The following RBM15B variants were observed in gnomAD, a reference collection of about 807,000 sequenced individuals.
RBM15B encodes RNA binding motif protein 15B, also known as putative RNA-binding protein 15B.
In RBM15B, 11 loss-of-function variants were observed where a neutral mutation model predicts 53.3. The ratio of observed to expected loss-of-function variants is 0.21; its 90% CI spans 0.13 to 0.34. The LOEUF is 0.34. Ranked by LOEUF, RBM15B falls within the 10% of genes least tolerant of loss-of-function variation. RBM15B has a pLI of 1.00. For synonymous variants in RBM15B, 631 were observed against 540.7 expected (o/e 1.17, Z -2.32); for missense variants, 1,136 against 1,250.3 (o/e 0.91, Z 1.38).
At position 51,392,353 on chromosome 3, in the gene RBM15B, C is replaced by T. The variant is rs782487860; in HGVS notation, c.954C>T (p.Gly318=). The change falls in exon 1 of 1, where the codon GGC becomes GGT. Residue 318 remains glycine (G), a synonymous_variant. Transcript: ENST00000563281. The surrounding 1 kb of genome is among the most constrained non-coding windows in gnomAD (Gnocchi z 7.5). The stretch of plus-strand genomic sequence containing the variant: ...ACGACGACCGTGGGCGCCCCTATGG[C>T]TACCCAGCTGTGTGTGAGGAGGACC... ...GLYDDRGRPY[G]YPAVCEEDLM... The T allele has an allele frequency of 1.2e-5, 20 of 1,613,896 alleles. No individual in the cohort carries two copies. Among genetic ancestry groups the T allele is most frequent in the Non-Finnish European group, 1.5e-5 (18 of 1,180,014 alleles).
Position 51,396,676 on chromosome 3 carries a change from C to T in RBM15B, c.*2604C>T, listed in dbSNP as rs549008811. 3.0e-5 allele frequency: 5 copies of T among 167,256 alleles called. No individual in the cohort carries two copies. The highest frequency in any genetic ancestry group is 1.2e-4 in the African/African-American group (5 of 41,562). The allele number at this position is 167,256 out of a possible 1,614,324, so 10.4% of individuals were successfully genotyped here. A position where few individuals can be genotyped will look rare whatever the true frequency, so the allele number is the denominator to read the frequency against. ...GTAGAATAAGGAAGACAGCTGATGC[C>T]TCCTTAGCCCCTTAGCACATGTTCC... On this transcript the variant is annotated 3_prime_UTR_variant, in exon 1 of 1. Transcript: ENST00000563281.
In RBM15B at chr3:51,396,243, G is replaced by A. The variant is rs765569203; in HGVS notation, c.*2171G>A. ...AAACATGCTAGAAAACGTGCCTAGA[G>A]AAGACACTTCAACCTTTGCCTTATC... On this transcript the variant is annotated 3_prime_UTR_variant, in exon 1 of 1. Transcript: ENST00000563281. The A allele has an allele frequency of 1.1e-5, 3 of 269,646 alleles. No homozygotes were observed. Among genetic ancestry groups the A allele is most frequent in the African/African-American group, 2.2e-5 (1 of 45,376 alleles). 16.7% of individuals were successfully genotyped at this position (269,646 alleles called of 1,614,324 possible).
Position 51,393,444 on chromosome 3 carries a change from G to C in RBM15B, c.2045G>C (p.Arg682Thr). ...GACTCTTCCCACGGGAAGAAGGCAAGAGACAGCGAGCGCAATCACCGGACC... is the reference window on the plus strand; with the variant it reads ...GACTCTTCCCACGGGAAGAAGGCAACAGACAGCGAGCGCAATCACCGGACC... The part of the protein sequence containing the change: ...AADSSHGKKA[R>T]DSERNHRTTE... Residue 682 changes from arginine to threonine, a missense_variant, in exon 1 of 1, where the codon AGA becomes ACA. Arg to Thr is a moderately conservative substitution (Grantham distance 71). Coordinates refer to ENST00000563281, the MANE Select transcript of RBM15B (RefSeq NM_013286.5). The surrounding 1 kb of genome is among the most constrained non-coding windows in gnomAD (Gnocchi z 5.6). 6.2e-7 allele frequency: 1 copy of C among 1,613,920 alleles called. No homozygotes were observed. The highest frequency in any genetic ancestry group is 8.5e-7 in the Non-Finnish European group (1 of 1,179,952).
chr3:51,393,839 C>T lies in RBM15B; in HGVS notation c.2440C>T (p.Pro814Ser), dbSNP rs1279415056. 6.2e-7 allele frequency: 1 copy of T among 1,606,256 alleles called. No individual in the cohort carries two copies. Among genetic ancestry groups the T allele is most frequent in the Non-Finnish European group, 8.5e-7 (1 of 1,176,880 alleles). Reference protein sequence around the residue: ...LGTEGMPTVEPGLQRRLLRNL... With the variant: ...LGTEGMPTVESGLQRRLLRNL... ...CACTGAGGGGATGCCCACAGTAGAGCCCGGTCTGCAGAGGCGGCTTCTCAG... is the reference window on the plus strand; with the variant it reads ...CACTGAGGGGATGCCCACAGTAGAGTCCGGTCTGCAGAGGCGGCTTCTCAG... Residue 814 changes from proline to serine, a missense_variant, in exon 1 of 1, where the codon CCC becomes TCC. Transcript: ENST00000563281. The surrounding 1 kb of genome is among the most constrained non-coding windows in gnomAD (Gnocchi z 5.6).
At position 51,393,876 on chromosome 3, in the gene RBM15B, C is replaced by G. The variant is rs782643580; in HGVS notation, c.2477C>G (p.Ser826Cys). The change falls in exon 1 of 1, where the codon TCC becomes TGC. Residue 826 changes from serine to cysteine, a missense_variant. Ser to Cys is a moderately radical substitution (Grantham distance 112). Coordinates refer to ENST00000563281, the MANE Select transcript of RBM15B (RefSeq NM_013286.5). This position sits in a 1 kb window ranked among gnomAD's most constrained non-coding sequence, Gnocchi z 5.6. ...LQRRLLRNLV[S>C]YLKQKQAAGV... ...AGGCGGCTTCTCAGGAACCTGGTCT[C>G]CTACTTGAAACAGAAGCAGGCCGCA... 6.3e-7 allele frequency: 1 copy of G among 1,578,968 alleles called. No individual in the cohort carries two copies. Among genetic ancestry groups the G allele is most frequent in the South Asian group, 1.2e-5 (1 of 85,740 alleles).
chr3:51,391,990 C>G lies in RBM15B; in HGVS notation c.591C>G (p.Arg197=). The change falls in exon 1 of 1, where the codon CGC becomes CGG. Residue 197 remains arginine, a synonymous_variant. Transcript: ENST00000563281. This position sits in a 1 kb window ranked among gnomAD's most constrained non-coding sequence, Gnocchi z 4.5. Reference sequence around the variant, plus strand: ...ACCCACAGGACGCACGCGAGGCCCGCCAGCACGCCCTGGCCCGGCAGCTGC... The same window carrying G: ...ACCCACAGGACGCACGCGAGGCCCGGCAGCACGCCCTGGCCCGGCAGCTGC... ...FRHPQDAREA[R]QHALARQLLL... The G allele has an allele frequency of 4.4e-6, 7 of 1,599,122 alleles. No individual in the cohort carries two copies. The highest frequency in any genetic ancestry group is 5.9e-6 in the Non-Finnish European group (7 of 1,178,060).
At position 51,392,518 on chromosome 3, in the gene RBM15B, T is replaced by TG. The variant is rs1553621780; in HGVS notation, c.1121dup (p.Gln375ProfsTer18). The stretch of plus-strand genomic sequence containing the variant: ...AGGTGGTCATCAAGAGGCCTGCCCG[T>TG]GGCCAGGGCGGTGCCTATGCCTTCC... On this transcript the variant is annotated frameshift_variant, in exon 1 of 1. Transcript: ENST00000563281. LOFTEE classifies it high-confidence loss of function. The surrounding 1 kb of genome is among the most constrained non-coding windows in gnomAD (Gnocchi z 7.5). 1 of 1,613,862 alleles carries TG rather than the reference T, an allele frequency of 6.2e-7. No individual in the cohort carries two copies. Among genetic ancestry groups the TG allele is most frequent in the Non-Finnish European group, 8.5e-7 (1 of 1,180,016 alleles).
At position 51,395,297 on chromosome 3, in the gene RBM15B, A is replaced by C. The variant is rs1449021423; in HGVS notation, c.*1225A>C. ...ATAGATATTTTTCTGGGGGGAAATC[A>C]CAAGTCACTGAGGTGTTTGTTTGTT... On this transcript the variant is annotated 3_prime_UTR_variant, in exon 1 of 1. Transcript: ENST00000563281. 6.0e-6 allele frequency: 1 copy of C among 167,262 alleles called. No individual in the cohort carries two copies. Among genetic ancestry groups the C allele is most frequent in the African/African-American group, 2.4e-5 (1 of 41,428 alleles). 10.4% of individuals were successfully genotyped at this position (167,262 alleles called of 1,614,324 possible).
Position 51,392,488 on chromosome 3 carries a change from C to T in RBM15B, c.1089C>T (p.Ile363=). Residue 363 remains isoleucine (I), a synonymous_variant, in exon 1 of 1, where the codon ATC becomes ATT. Transcript: ENST00000563281. This position sits in a 1 kb window ranked among gnomAD's most constrained non-coding sequence, Gnocchi z 7.5. ...LRRAFEKYGI[I]EEVVIKRPAR... ...GGGCCTTCGAGAAATATGGCATCAT[C>T]GAGGAGGTGGTCATCAAGAGGCCTG... The T allele has an allele frequency of 1.2e-6, 2 of 1,613,932 alleles. No individual in the cohort carries two copies. Among genetic ancestry groups the T allele is most frequent in the Non-Finnish European group, 1.7e-6 (2 of 1,180,032 alleles).
In RBM15B at chr3:51,397,399, A is replaced by G. The variant is rs1296511001; in HGVS notation, c.*3327A>G. On this transcript the variant is annotated 3_prime_UTR_variant, in exon 1 of 1. Coordinates refer to ENST00000563281, the MANE Select transcript of RBM15B (RefSeq NM_013286.5). ...TACCCCTAACCTGCCAGGATGCTCA[A>G]GTCCACTGTCACAATCCCTTTCAGA... 1 of 167,134 alleles carries G rather than the reference A, an allele frequency of 6.0e-6. No individual in the cohort carries two copies. Among genetic ancestry groups the G allele is most frequent in the Non-Finnish European group, 1.5e-5 (1 of 68,138 alleles). The allele number at this position is 167,134 out of a possible 1,614,324, so 10.4% of individuals were successfully genotyped here.
Position 51,393,751 on chromosome 3 carries a change from G to A in RBM15B, c.2352G>A (p.Lys784=). 1 of 1,613,870 alleles carries A rather than the reference G, an allele frequency of 6.2e-7. No homozygotes were observed. Among genetic ancestry groups the A allele is most frequent in the Non-Finnish European group, 8.5e-7 (1 of 1,180,036 alleles). The change falls in exon 1 of 1, where the codon AAG becomes AAA. Residue 784 remains lysine (K), a synonymous_variant. Transcript: ENST00000563281. The surrounding 1 kb of genome is among the most constrained non-coding windows in gnomAD (Gnocchi z 5.6). ...TTGACGAGGTCACACGACGCATCAAGCAGGGGAGCCCCAACGGCTATGCGG... is the reference window on the plus strand; with the variant it reads ...TTGACGAGGTCACACGACGCATCAAACAGGGGAGCCCCAACGGCTATGCGG... The part of the protein sequence containing the change: ...PKLDEVTRRI[K]QGSPNGYAVL...
rs1224080164 is a variant in RBM15B at position 51,394,769 on chromosome 3, C to T, written c.*697C>T. On this transcript the variant is annotated 3_prime_UTR_variant, in exon 1 of 1. Coordinates refer to ENST00000563281, the MANE Select transcript of RBM15B (RefSeq NM_013286.5). ...GTTTGTTTGGGACAGAGTGCCCACT[C>T]AGCATGTTTGGCAGCAGGTAGCCTT... 1.2e-5 allele frequency: 2 copies of T among 167,066 alleles called. No individual in the cohort carries two copies. The highest frequency in any genetic ancestry group is 1.9e-4 in the East Asian group (1 of 5,194). The allele number at this position is 167,066 out of a possible 1,614,324, so 10.3% of individuals were successfully genotyped here. A position where few individuals can be genotyped will look rare whatever the true frequency, so the allele number is the denominator to read the frequency against.
chr3:51,392,687 T>G lies in RBM15B; in HGVS notation c.1288T>G (p.Ser430Ala). 6.2e-7 allele frequency: 1 copy of G among 1,614,142 alleles called. No individual in the cohort carries two copies. The highest frequency in any genetic ancestry group is 8.5e-7 in the Non-Finnish European group (1 of 1,180,022). The change falls in exon 1 of 1, where the codon TCA becomes GCA. Residue 430 changes from serine to alanine, a missense_variant. Physicochemically the swap from Ser to Ala is moderately conservative, Grantham distance 99. Transcript: ENST00000563281. The surrounding 1 kb of genome is among the most constrained non-coding windows in gnomAD (Gnocchi z 7.5). ...LWVGGLGPNT[S>A]LAALAREFDR... ...GGTGGGTGGCCTGGGACCTAACACG[T>G]CACTGGCGGCTCTGGCCCGAGAGTT...
At position 51,394,742 on chromosome 3, in the gene RBM15B, CTGTT is replaced by C. The variant is rs755218674; in HGVS notation, c.*677_*680del. On this transcript the variant is annotated 3_prime_UTR_variant, in exon 1 of 1. Coordinates refer to ENST00000563281, the MANE Select transcript of RBM15B (RefSeq NM_013286.5). ...CCATCATCATCAGTTTGAGCTGTGG[CTGTT>C]TGTTTGGGACAGAGTGCCCACTCAG... 5.3e-4 allele frequency: 89 copies of C among 167,318 alleles called. No individual in the cohort carries two copies. Among genetic ancestry groups the C allele is most frequent in the Non-Finnish European group, 3.5e-4 (24 of 68,200 alleles). 10.4% of individuals were successfully genotyped at this position (167,318 alleles called of 1,614,324 possible). A position where few individuals can be genotyped will look rare whatever the true frequency, so the allele number is the denominator to read the frequency against.
chr3:51,396,206 C>T lies in RBM15B; in HGVS notation c.*2134C>T, dbSNP rs996547212. On this transcript the variant is annotated 3_prime_UTR_variant, in exon 1 of 1. Transcript: ENST00000563281. ...TACCTCCCAGCTTTGTGAGACAGAA[C>T]CAAGTAAAAGGAAACATGCTAGAAA... is the stretch of plus-strand genomic sequence containing the variant. The T allele has an allele frequency of 1.2e-5, 4 of 341,278 alleles. No homozygotes were observed. Among genetic ancestry groups the T allele is most frequent in the African/African-American group, 8.5e-5 (4 of 47,226 alleles). 21.1% of individuals were successfully genotyped at this position (341,278 alleles called of 1,614,324 possible).
rs782082675 is a variant in RBM15B at position 51,393,461 on chromosome 3, C to G, written c.2062C>G (p.His688Asp). The G allele has an allele frequency of 6.2e-7, 1 of 1,613,928 alleles. No homozygotes were observed. Among genetic ancestry groups the G allele is most frequent in the African/African-American group, 1.3e-5 (1 of 75,036 alleles). Residue 688 changes from histidine to aspartate, a missense_variant, in exon 1 of 1, where the codon CAC (histidine) becomes GAC (aspartate). Coordinates refer to ENST00000563281, the MANE Select transcript of RBM15B (RefSeq NM_013286.5). This position sits in a 1 kb window ranked among gnomAD's most constrained non-coding sequence, Gnocchi z 5.6. ...GAAGGCAAGAGACAGCGAGCGCAAT[C>G]ACCGGACCACAGAGGCCGAGCCCAA... Reference protein sequence around the residue: ...GKKARDSERNHRTTEAEPKPL... With the variant: ...GKKARDSERNDRTTEAEPKPL...
chr3:51,393,321 C>T lies in RBM15B; in HGVS notation c.1922C>T (p.Ser641Phe), dbSNP rs782108410. 2.5e-6 allele frequency: 4 copies of T among 1,610,448 alleles called. No homozygotes were observed. The highest frequency in any genetic ancestry group is 3.4e-6 in the Non-Finnish European group (4 of 1,178,504). ...TPERSRKENH[S>F]SEGTKESSSN... ...GAGCGCAGCCGCAAGGAGAACCACTCCAGTGAAGGGACCAAGGAGTCCAGC... is the reference window on the plus strand; with the variant it reads ...GAGCGCAGCCGCAAGGAGAACCACTTCAGTGAAGGGACCAAGGAGTCCAGC... The change falls in exon 1 of 1, where the codon TCC becomes TTC. Residue 641 changes from serine to phenylalanine, a missense_variant. Coordinates refer to ENST00000563281, the MANE Select transcript of RBM15B (RefSeq NM_013286.5). The surrounding 1 kb of genome is among the most constrained non-coding windows in gnomAD (Gnocchi z 5.6).
Position 51,397,540 on chromosome 3 carries a change from A to T in RBM15B, c.*3468A>T, listed in dbSNP as rs1186869658. The T allele has an allele frequency of 6.0e-6, 1 of 167,094 alleles. No homozygotes were observed. Among genetic ancestry groups the T allele is most frequent in the African/African-American group, 2.4e-5 (1 of 41,436 alleles). The allele number at this position is 167,094 out of a possible 1,614,324, so 10.4% of individuals were successfully genotyped here. ...AATACCTCCCTTTCCAGTTCTACCA[A>T]ATCTGTACTTGGGAGCAGCCTGCTG... On this transcript the variant is annotated 3_prime_UTR_variant, in exon 1 of 1. Transcript: ENST00000563281.
In RBM15B at chr3:51,393,602, A is replaced by T; in HGVS notation, c.2203A>T (p.Thr735Ser). Residue 735 changes from threonine (T) to serine (S), a missense_variant, in exon 1 of 1, where the codon ACG (threonine) becomes TCG (serine). Physicochemically the swap from Thr to Ser is moderately conservative, Grantham distance 58. Transcript: ENST00000563281. This position sits in a 1 kb window ranked among gnomAD's most constrained non-coding sequence, Gnocchi z 5.6. ...GGTGTTGAAAAACAGCTGCTTCCCC[A>T]CGTCTATGCATATCCTAGAGGGGGA... ...LLVLKNSCFP[T>S]SMHILEGDQG... 6.2e-7 allele frequency: 1 copy of T among 1,614,044 alleles called. No individual in the cohort carries two copies. Among genetic ancestry groups the T allele is most frequent in the Non-Finnish European group, 8.5e-7 (1 of 1,180,018 alleles).
Sources: gnomAD v4.1 joint callset for allele counts on GRCh38, gnomAD v4.1.1 for gene constraint, Gnocchi (gnomAD v3.1) non-coding constraint, MANE v1.5 for transcripts, NCBI Gene and HGNC (gene_info 2026-07-23, HGNC 2026-07-21) for gene names.